The following MICAL2 variants were observed in gnomAD, a reference collection of about 807,000 sequenced individuals.
MICAL2 encodes microtubule associated monooxygenase, calponin and LIM domain containing 2.
MICAL2 carries 77 observed loss-of-function variants against 127.3 expected under a neutral mutation model. The observed-to-expected ratio is 0.60, with a 90% confidence interval of 0.50 to 0.73. The LOEUF is 0.73. Among genes scored for constraint, MICAL2 ranks in the 30% least tolerant of loss-of-function variants. The probability of loss-of-function intolerance (pLI) is 0.00; values close to 1 mark genes in which losing one functional copy is unlikely to be tolerated. For missense variants in MICAL2, 1,351 were observed against 1,434.4 expected (o/e 0.94, Z 0.94); for synonymous variants, 570 against 551.1 (o/e 1.03, Z -0.48).
At chr11:12,178,364 G>A (rs751609567) in intron 3 of MICAL2, among the ~76,000 whole-genome samples, 2 of 152,062 alleles carry the variant, frequency 1.3e-5, no homozygotes, top group Non-Finnish European at 2.9e-5. Context: ...AGGAGGTCCT[G>A]AGAACATGTG....
intron 29 of MICAL2, among the ~76,000 whole-genome samples, chr11:12,304,786 GGTTT>G (rs1305118675): frequency 6.6e-6 from 1 of 151,980 alleles, no homozygotes; most frequent in Non-Finnish European, 1.5e-5. Context: ...TTCACTGGCT[GGTTT>G]GTCTGACCTT....
chr11:12,288,923 A>G (rs547851483), downstream of MICAL2, among the ~76,000 whole-genome samples: 27 of 152,348 alleles, frequency 1.8e-4, no homozygotes, highest in East Asian at 5.8e-4. Flanking sequence ...ACTTTGCCCA[A>G]AAGAAAACCT....
At chr11:12,257,667 G>A (rs1862503963) in intron 24 of MICAL2, among the ~76,000 whole-genome samples, 1 of 152,210 alleles carries the variant, frequency 6.6e-6, no homozygotes, top group Admixed American at 6.5e-5. Context: ...TCTGTAAAAT[G>A]AGGTTAACGG....
At chr11:12,178,662 A>G (rs979277589) in intron 3 of MICAL2, among the ~76,000 whole-genome samples, 2 of 152,108 alleles carry the variant, frequency 1.3e-5, no homozygotes, top group Non-Finnish European at 2.9e-5. Flanking sequence ...AGGAGACTAG[A>G]TGGTCTCCTT....
chr11:12,156,896 C>T (rs1854250208), intron 2 of MICAL2, among the ~76,000 whole-genome samples: 1 of 152,252 alleles, frequency 6.6e-6, no homozygotes, highest in Non-Finnish European at 1.5e-5. Flanking sequence ...GTGGGGGGAA[C>T]ACCCCACTTC....
intron 32 of MICAL2, among the ~76,000 whole-genome samples, chr11:12,348,929 C>CTATTGTATTGTAT (rs1390875892): frequency 1.3e-5 from 2 of 152,144 alleles, no homozygotes. Context: ...ATTGTATTGC[C>CTATTGTATTGTAT]TGTGTGTCTT....
intron 3 of MICAL2, among the ~76,000 whole-genome samples, chr11:12,168,721 A>G (rs189882830): frequency 6.6e-5 from 10 of 151,912 alleles, no homozygotes; most frequent in Admixed American, 4.6e-4. Flanking sequence ...AAAATAACTC[A>G]AGTAGGGTAA....
chr11:12,316,675 C>T (rs943488106), intron 29 of MICAL2, among the ~76,000 whole-genome samples: 1 of 151,932 alleles, frequency 6.6e-6, no homozygotes, highest in Admixed American at 6.6e-5. Flanking sequence ...TCAGACTTGT[C>T]CTGCTTTTTT....
intron 6 of MICAL2, among the ~76,000 whole-genome samples, 184 bp downstream of exon 6, chr11:12,209,782 C>A (rs1228516197): frequency 6.6e-6 from 1 of 152,126 alleles, no homozygotes; most frequent in East Asian, 1.9e-4. Flanking sequence ...GTGGGCAGTT[C>A]AGGGGACAGC....
At chr11:12,319,564 C>T (rs545214225) in intron 29 of MICAL2, 16 of 657,104 alleles carry the variant, frequency 2.4e-5, no homozygotes, top group Middle Eastern at 2.5e-4. Flanking sequence ...CTCATGCTCA[C>T]GGCAGGTGCA....
At chr11:12,228,638 T>A (rs375734202) in intron 15 of MICAL2, among the ~76,000 whole-genome samples, 6 of 151,558 alleles carry the variant, frequency 4.0e-5, no homozygotes, top group Non-Finnish European at 8.8e-5. Context: ...GGAAAGAAGA[T>A]GGGAAGGGGA....
downstream of MICAL2, among the ~76,000 whole-genome samples, chr11:12,266,037 A>G (rs750728963): frequency 6.6e-6 from 1 of 152,198 alleles, no homozygotes; most frequent in Non-Finnish European, 1.5e-5. Context: ...ACTTGAACCC[A>G]GGAGGCAGAG....
chr11:12,133,288 G>A (rs1304664419), intron 1 of MICAL2, among the ~76,000 whole-genome samples: 1 of 152,096 alleles, frequency 6.6e-6, no homozygotes, highest in African/African-American at 2.4e-5. Flanking sequence ...CACCATGTTG[G>A]TCAGGCTGGT....
intron 21 of MICAL2, among the ~76,000 whole-genome samples, chr11:12,246,280 T>C (rs11022263): frequency 0.18 from 27,330 of 152,268 alleles, 2,592 homozygotes; most frequent in South Asian, 0.29. Context: ...CCCTGCCTGC[T>C]GCTGTCTCTG....
At chr11:12,246,806 G>A (rs1214937528) in intron 21 of MICAL2, among the ~76,000 whole-genome samples, 1 of 152,104 alleles carries the variant, frequency 6.6e-6, no homozygotes, top group Non-Finnish European at 1.5e-5. Context: ...CCATTGTTAG[G>A]CATTTCAGGC....
intron 1 of MICAL2, among the ~76,000 whole-genome samples, chr11:12,118,479 A>G (rs2088984386): frequency 6.6e-6 from 1 of 152,156 alleles, no homozygotes; most frequent in Admixed American, 6.5e-5. Context: ...ATGTAAAGAG[A>G]CAGGGCCCAC....
exon 33 of MICAL2, chr11:12,349,859 C>A (rs1939017985): frequency 6.2e-7 from 1 of 1,614,088 alleles, no homozygotes; most frequent in Non-Finnish European, 8.5e-7. Context: ...CAGGATGAAG[C>A]ACAGCTTTTG....
Position 12,226,893 on chromosome 11 carries a change from A to T in MICAL2, c.1889-132A>T. 5 of 681,526 alleles carry T rather than the reference A, an allele frequency of 7.3e-6. No individual in the cohort carries two copies. In the South Asian group the frequency reaches 7.8e-5, roughly 11 times the overall value. 42.2% of individuals were successfully genotyped at this position (681,526 alleles called of 1,614,324 possible). ...ATGGTCTCGATCTCCTGACCTCGTG[A>T]TCCACCTGTCTTGGCCTCCCAAGTG... On this transcript the variant is annotated intron_variant, in intron 14 of 27. Transcript: ENST00000683283.
At chr11:12,305,888 A>T (rs1435386443) in intron 29 of MICAL2, among the ~76,000 whole-genome samples, 1 of 152,192 alleles carries the variant, frequency 6.6e-6, no homozygotes. Context: ...GATTCAAATG[A>T]TATGGTTTTT....
Sources: gnomAD v4.1 joint callset for allele counts (sites outside exome capture counted in the v4.1 genomes callset) on GRCh38, gnomAD v4.1.1 for gene constraint, MANE v1.5 for transcripts, NCBI Gene and HGNC (gene_info 2026-07-23, HGNC 2026-07-21) for gene names.